The following CAMKMT variants were observed in gnomAD, a reference collection of about 807,000 sequenced individuals.
CAMKMT encodes CaM KMT.
A neutral mutation model predicts 48.0 loss-of-function variants in CAMKMT; 53 were observed. The observed-to-expected ratio is 1.10, with a 90% CI of 0.89 to 1.39. The LOEUF is 1.39. CAMKMT is among the 40% of genes most tolerant of loss of function. The pLI is 0.00. For missense variants in CAMKMT, 428 were observed against 402.7 expected (o/e 1.06, Z -0.54); for synonymous variants, 165 against 152.3 (o/e 1.08, Z -0.61).
intron 3 of CAMKMT, among the ~76,000 whole-genome samples, chr2:44,450,364 G>A (rs951587956): frequency 6.6e-6 from 1 of 151,992 alleles, no homozygotes; most frequent in African/African-American, 2.4e-5. Flanking sequence ...TAAATCTTTA[G>A]GTTCAGCTTC....
chr2:44,498,701 C>T (rs76883991), intron 3 of CAMKMT, among the ~76,000 whole-genome samples: 8,255 of 152,266 alleles, frequency 0.054, 318 homozygotes, highest in South Asian at 0.13. Flanking sequence ...GTTTGCTAAA[C>T]AAAGGAATTG....
At chr2:44,686,418 A>T (rs1260337617) in intron 3 of CAMKMT, among the ~76,000 whole-genome samples, 1 of 151,862 alleles carries the variant, frequency 6.6e-6, no homozygotes, top group African/African-American at 2.4e-5. Context: ...CAAAACAAAA[A>T]ACAAACAAAC....
At chr2:44,621,281 A>AAT (rs763807418) in intron 3 of CAMKMT, among the ~76,000 whole-genome samples, 7 of 150,960 alleles carry the variant, frequency 4.6e-5, no homozygotes, top group African/African-American at 1.7e-4. Flanking sequence ...AAAAAAAAAA[A>AAT]AAAAGCATAA....
At chr2:44,394,679 C>T (rs1681663007) in intron 3 of CAMKMT, among the ~76,000 whole-genome samples, 1 of 152,190 alleles carries the variant, frequency 6.6e-6, no homozygotes, top group African/African-American at 2.4e-5. Context: ...TTACCCGCCA[C>T]AGCCTCCCAA....
At chr2:44,538,994 GTGTGTGTGTA>G (rs1227256210) in intron 3 of CAMKMT, among the ~76,000 whole-genome samples, 5 of 144,214 alleles carry the variant, frequency 3.5e-5, no homozygotes, top group Non-Finnish European at 3.0e-5. Context: ...GTGTGTGTGT[GTGTGTGTGTA>G]TGTATATAAT....
At chr2:44,753,333 G>A (rs1275513635) in intron 8 of CAMKMT, among the ~76,000 whole-genome samples, 1 of 151,000 alleles carries the variant, frequency 6.6e-6, no homozygotes, top group African/African-American at 2.4e-5. Flanking sequence ...AGGCTGGGGT[G>A]GGAGGATTGC....
At position 44,414,873 on chromosome 2, in the gene CAMKMT, C is replaced by T. The variant is rs145480272; in HGVS notation, c.376+24568C>T. On this transcript the variant is annotated intron_variant, in intron 3 of 10. Transcript: ENST00000378494. Reference sequence around the variant, plus strand: ...AGCTAAGTTTGAATTTTTAAAAAATCGGCCAGGCGTGGTGGCTTATGCCTG... The same window carrying T: ...AGCTAAGTTTGAATTTTTAAAAAATTGGCCAGGCGTGGTGGCTTATGCCTG... Among the ~76,000 whole-genome samples the T allele has an allele frequency of 9.4e-4, 143 of 152,242 alleles. No individual in the cohort carries two copies. In the East Asian group the frequency reaches 0.021, roughly 22 times the overall value.
intron 7 of CAMKMT, among the ~76,000 whole-genome samples, chr2:44,724,442 A>G (rs1036937014): frequency 6.6e-5 from 10 of 152,204 alleles, no homozygotes; most frequent in African/African-American, 2.4e-4. Flanking sequence ...AGCAAACTCC[A>G]TAGAGTTGAG....
intron 3 of CAMKMT, among the ~76,000 whole-genome samples, chr2:44,567,931 G>C (rs1480321184): frequency 6.6e-6 from 1 of 152,096 alleles, no homozygotes; most frequent in Non-Finnish European, 1.5e-5. Flanking sequence ...TGGTGAATGA[G>C]GTAAAATGCT....
intron 3 of CAMKMT, among the ~76,000 whole-genome samples, chr2:44,621,039 C>G (rs1461122160): frequency 6.6e-6 from 1 of 152,070 alleles, no homozygotes; most frequent in African/African-American, 2.4e-5. Context: ...GAGGCCGAGG[C>G]GGGCGGATCA....
chr2:44,393,316 A>G (rs577874521), intron 3 of CAMKMT: 2 of 152,206 alleles, frequency 1.3e-5, no homozygotes, highest in African/African-American at 2.4e-5. Context: ...TATGAACTGC[A>G]AAGTGTTTTA....
intron 2 of CAMKMT, among the ~76,000 whole-genome samples, chr2:44,379,917 C>A (rs1390588835): frequency 6.6e-6 from 1 of 151,844 alleles, no homozygotes; most frequent in African/African-American, 2.4e-5. Flanking sequence ...TTTCTCCTAG[C>A]CTGTGCATTT....
intron 3 of CAMKMT, among the ~76,000 whole-genome samples, chr2:44,397,659 A>G (rs1401236511): frequency 6.6e-6 from 1 of 152,160 alleles, no homozygotes; most frequent in Non-Finnish European, 1.5e-5. Flanking sequence ...AGAGAAGGAA[A>G]AAGACACATT....
intron 3 of CAMKMT, among the ~76,000 whole-genome samples, chr2:44,455,637 C>G (rs1667523100): frequency 6.6e-6 from 1 of 152,078 alleles, no homozygotes; most frequent in African/African-American, 2.4e-5. Flanking sequence ...GGGCTTAAGC[C>G]CTATCACTAG....
intron 9 of CAMKMT, among the ~76,000 whole-genome samples, chr2:44,764,326 A>G (rs1257267993): frequency 6.6e-6 from 1 of 152,160 alleles, no homozygotes; most frequent in Non-Finnish European, 1.5e-5. Flanking sequence ...GGGAGAGAGA[A>G]TTGATAGCAT....
Position 44,748,411 on chromosome 2 carries a change from A to C in CAMKMT, c.698+4715A>C, listed in dbSNP as rs1680007081. Among the ~76,000 whole-genome samples the C allele has an allele frequency of 3.3e-5, 5 of 151,934 alleles. No individual in the cohort carries two copies. In the South Asian group the frequency reaches 1.0e-3, roughly 32 times the overall value. ...AGGTGCTGTTCATTTTTTTTTTCTA[A>C]CGATCTTACCGGTTTTAGGATGCAC... On this transcript the variant is annotated intron_variant, in intron 8 of 10. Coordinates refer to ENST00000378494, the MANE Select transcript of CAMKMT (RefSeq NM_024766.5).
At chr2:44,478,130 C>G (rs1668782343) in intron 3 of CAMKMT, among the ~76,000 whole-genome samples, 1 of 152,106 alleles carries the variant, frequency 6.6e-6, no homozygotes, top group Non-Finnish European at 1.5e-5. Flanking sequence ...AAAAACAAAT[C>G]CTAATTTTTT....
chr2:44,563,630 C>T (rs919518719), intron 3 of CAMKMT, among the ~76,000 whole-genome samples: 1 of 152,130 alleles, frequency 6.6e-6, no homozygotes, highest in Admixed American at 6.5e-5. Context: ...CCCTTCCCCC[C>T]ACCCCATGAC....
chr2:44,489,072 G>T (rs576209007), intron 3 of CAMKMT, among the ~76,000 whole-genome samples: 1 of 152,028 alleles, frequency 6.6e-6, no homozygotes, highest in East Asian at 1.9e-4. Context: ...TAGCCATGTT[G>T]TCCAGGCTGG....
Sources: gnomAD v4.1 joint callset for allele counts (sites outside exome capture counted in the v4.1 genomes callset) on GRCh38, gnomAD v4.1.1 for gene constraint, MANE v1.5 for transcripts, NCBI Gene and HGNC (gene_info 2026-07-23, HGNC 2026-07-21) for gene names.